The following RASA1 variants were observed in gnomAD, a reference collection of about 807,000 sequenced individuals.
The protein encoded by RASA1 is RAS p21 protein activator 1, also known as ras GTPase-activating protein 1.
In RASA1, 25 loss-of-function variants were observed where a neutral mutation model predicts 132.2. The ratio of observed to expected loss-of-function variants is 0.19; its 90% confidence interval spans 0.14 to 0.26. The LOEUF (loss-of-function observed/expected upper bound fraction) is 0.26. Ranked by LOEUF, RASA1 falls within the 10% of genes least tolerant of loss-of-function variation. RASA1 has a pLI of 1.00. For synonymous variants in RASA1, 477 were observed against 449.9 expected, an observed-to-expected ratio of 1.06 and a Z score of -0.76; for missense variants, 964 against 1,299.2, an observed-to-expected ratio of 0.74 and a Z score of 3.97.
chr5:87,279,179 G>T (rs1754204125), intron 1 of RASA1, among the ~76,000 whole-genome samples: 1 of 152,098 alleles, frequency 6.6e-6, no homozygotes, highest in Admixed American at 6.5e-5. Flanking sequence ...TGAGGTTGAG[G>T]CTGCAGTGAG....
intron 1 of RASA1, among the ~76,000 whole-genome samples, chr5:87,289,790 TG>T (rs1754835685): frequency 6.6e-6 from 1 of 152,078 alleles, no homozygotes; most frequent in Non-Finnish European, 1.5e-5. Context: ...CTTTATTTTT[TG>T]TATAGACAGG....
chr5:87,357,653 C>T (rs940419919), intron 9 of RASA1, among the ~76,000 whole-genome samples: 4 of 151,664 alleles, frequency 2.6e-5, no homozygotes, highest in Non-Finnish European at 5.9e-5. Flanking sequence ...TGCAGTGAGC[C>T]GAGATTGCAC....
Position 87,374,255 on chromosome 5 carries a change from C to T in RASA1, c.1869C>T (p.Val623=). 6.2e-7 allele frequency: 1 copy of T among 1,602,292 alleles called. No homozygotes were observed. Among genetic ancestry groups the T allele is most frequent in the Non-Finnish European group, 8.5e-7 (1 of 1,173,310 alleles). ...ATTGTAACATCTACCTGAATAGTGT[C>T]CAAGTAGCAAAAACTCATGCAAGGG... ...NPYCNIYLNS[V]QVAKTHAREG... is the part of the protein sequence containing the mutation. The change falls in exon 14 of 25, where the codon GTC becomes GTT. Residue 623 remains valine, a synonymous_variant. Transcript: ENST00000274376.
intron 16 of RASA1, 111 bp from the exon 17 acceptor site, chr5:87,376,770 G>C: frequency 8.0e-7 from 1 of 1,245,062 alleles, no homozygotes; most frequent in Non-Finnish European, 1.1e-6. Flanking sequence ...TTATTCAATG[G>C]GACATCATTT....
rs1277901182 is a variant in RASA1, at chr5:87,268,739, T to C, written c.288T>C (p.Ala96=). ...GGGGAGGTACTGCTGCTGGCGTAGC[T>C]GGTGCTGCTGCTGGCGTGGCCGGTG... ...LTGGGTAAGV[A]GAAAGVAGAA... Residue 96 remains alanine, a synonymous_variant, in exon 1 of 25, where the codon GCT becomes GCC. Coordinates refer to ENST00000274376, the MANE Select transcript of RASA1 (RefSeq NM_002890.3). 6.2e-7 allele frequency: 1 copy of C among 1,613,226 alleles called. No individual in the cohort carries two copies. Among genetic ancestry groups the C allele is most frequent in the South Asian group, 1.1e-5 (1 of 91,018 alleles).
At chr5:87,291,277 C>T (rs1021624321) in intron 1 of RASA1, among the ~76,000 whole-genome samples, 1 of 152,140 alleles carries the variant, frequency 6.6e-6, no homozygotes, top group Non-Finnish European at 1.5e-5. Context: ...TACCTATAAT[C>T]CCAGCACTTT....
intron 24 of RASA1, 143 bp downstream of exon 24, chr5:87,389,670 C>T (rs1762339734): frequency 8.7e-7 from 1 of 1,146,638 alleles, no homozygotes; most frequent in Admixed American, 2.1e-5. Context: ...AAGATCTCAG[C>T]AGACAGAAAT....
intron 1 of RASA1, among the ~76,000 whole-genome samples, chr5:87,311,682 C>T (rs920343777): frequency 2.6e-5 from 4 of 152,152 alleles, no homozygotes; most frequent in African/African-American, 9.7e-5. Flanking sequence ...GGAGAACTCA[C>T]CTGAGTCTTG....
At chr5:87,270,646 CTTTTTTTTTTTTTTTTTTTTTTTTTTTT>C (rs70996415) in intron 1 of RASA1, among the ~76,000 whole-genome samples, 2 of 71,764 alleles carry the variant, frequency 2.8e-5, no homozygotes, top group Admixed American at 1.9e-4. Context: ...GGTGCCCGGC[CTTTTTTTTTTTTTTTTTTTTTTTTTTTT>C]TTTTTTTTTG....
chr5:87,363,515 G>C lies in RASA1; in HGVS notation c.1610+11G>C. ...TAGTCTCTTTGGCAGGTAAGAGACT[G>C]GTTTCCTATTTTTCTTTCGGAATTG... is the stretch of plus-strand genomic sequence containing the variant. On this transcript the variant is annotated intron_variant, in intron 11 of 24. Coordinates refer to ENST00000274376, the MANE Select transcript of RASA1 (RefSeq NM_002890.3). 1 of 1,607,972 alleles carries C rather than the reference G, an allele frequency of 6.2e-7. No homozygotes were observed. The highest frequency in any genetic ancestry group is 8.5e-7 in the Non-Finnish European group (1 of 1,175,016).
chr5:87,373,202 T>C (rs1761073519), intron 13 of RASA1, among the ~76,000 whole-genome samples: 1 of 152,146 alleles, frequency 6.6e-6, no homozygotes, highest in Non-Finnish European at 1.5e-5. Context: ...CTGTCAGCCC[T>C]TTCTATTCAT....
chr5:87,302,778 T>C (rs1437537038), intron 1 of RASA1, among the ~76,000 whole-genome samples: 2 of 151,704 alleles, frequency 1.3e-5, no homozygotes, highest in Non-Finnish European at 2.9e-5. Context: ...TCTTCCCGAA[T>C]AAACAGAATT....
intron 7 of RASA1, among the ~76,000 whole-genome samples, chr5:87,348,011 G>C (rs1241400639): frequency 6.6e-6 from 1 of 151,950 alleles, no homozygotes; most frequent in Non-Finnish European, 1.5e-5. Flanking sequence ...TCTCTCCTGA[G>C]AAGTACAAAT....
intron 1 of RASA1, among the ~76,000 whole-genome samples, chr5:87,283,119 C>T (rs1469815817): frequency 7.0e-6 from 1 of 142,138 alleles, no homozygotes; most frequent in Non-Finnish European, 1.5e-5. Context: ...ATTTCCTCAC[C>T]TATCTAGTAA....
rs1041227405 is a variant in RASA1, at chr5:87,391,152, A to G, written c.*269A>G. ...CTTGGTGTACAGACCACCTTTCACA[A>G]AACGAAATGCTATGACTGTATCTTG... On this transcript the variant is annotated 3_prime_UTR_variant, in exon 25 of 25. Transcript: ENST00000274376. 1.1e-5 allele frequency: 6 copies of G among 565,284 alleles called. No homozygotes were observed. In the African/African-American group the frequency reaches 1.1e-4, roughly 11 times the overall value. The allele number at this position is 565,284 out of a possible 1,614,324, so 35.0% of individuals were successfully genotyped here.
intron 15 of RASA1, 73 bp downstream of exon 15, chr5:87,374,989 C>A: frequency 6.6e-7 from 1 of 1,509,844 alleles, no homozygotes; most frequent in Non-Finnish European, 8.8e-7. Context: ...CAATGAAAGT[C>A]TTAAAATAGA....
intron 9 of RASA1, among the ~76,000 whole-genome samples, chr5:87,359,918 T>C (rs1759943442): frequency 6.6e-6 from 1 of 152,186 alleles, no homozygotes; most frequent in East Asian, 1.9e-4. Flanking sequence ...CAACTAACAG[T>C]TCTTCACCCT....
intron 23 of RASA1, 53 bp from the exon 24 acceptor site, chr5:87,389,337 AAAC>A: frequency 6.2e-7 from 1 of 1,607,770 alleles, no homozygotes; most frequent in Non-Finnish European, 8.5e-7. Flanking sequence ...GTCTCAAAAA[AAAC>A]AAAAAAAAAG....
chr5:87,389,129 T>C (rs953078942), intron 23 of RASA1, among the ~76,000 whole-genome samples: 5 of 152,124 alleles, frequency 3.3e-5, no homozygotes, highest in Non-Finnish European at 7.3e-5. Flanking sequence ...TATACCCAAT[T>C]AGAATCTTTT....
Sources: gnomAD v4.1 joint callset for allele counts (sites outside exome capture counted in the v4.1 genomes callset) on GRCh38, gnomAD v4.1.1 for gene constraint, MANE v1.5 for transcripts, NCBI Gene and HGNC (gene_info 2026-07-23, HGNC 2026-07-21) for gene names.